The following SLC9A2 variants were observed in gnomAD, a reference collection of about 807,000 sequenced individuals.
SLC9A2 encodes the protein solute carrier family 9 member A2.
A neutral mutation model predicts 71.7 loss-of-function variants in SLC9A2; 42 were observed. The observed-to-expected ratio is 0.59, with a 90% CI of 0.46 to 0.76. SLC9A2 has a LOEUF of 0.76. Among genes scored for constraint, SLC9A2 ranks in the 30% least tolerant of loss-of-function variants. The pLI, the probability that SLC9A2 is intolerant of heterozygous loss-of-function variation, is 0.00. For synonymous variants in SLC9A2, 396 were observed against 392.5 expected (o/e 1.01, Z -0.10); for missense variants, 829 against 1,017.4 (o/e 0.81, Z 2.52).
At chr2:102,661,452 A>G (rs1360561852) in intron 2 of SLC9A2, among the ~76,000 whole-genome samples, 1 of 152,198 alleles carries the variant, frequency 6.6e-6, no homozygotes, top group Non-Finnish European at 1.5e-5. Flanking sequence ...AAACAGCAGA[A>G]TAGTTCTAAA....
At position 102,694,463 on chromosome 2, in the gene SLC9A2, A is replaced by G. The variant is rs191805679; in HGVS notation, c.1475A>G (p.Asn492Ser). Reference protein sequence around the residue: ...LVEFLDVKRSNKKQQAVSEEI... With the variant: ...LVEFLDVKRSSKKQQAVSEEI... ...GAGTTTCTTGATGTCAAGAGGTCCA[A>G]TAAGAAACAACAAGCTGTCAGTGAA... The change falls in exon 6 of 12, where the codon AAT becomes AGT. Residue 492 changes from asparagine to serine, a missense_variant. By Grantham distance (46) the Asn-to-Ser change is conservative (BLOSUM62 1). Transcript: ENST00000233969. The G allele has an allele frequency of 3.2e-5, 50 of 1,544,642 alleles. No homozygotes were observed. The highest frequency in any genetic ancestry group is 6.8e-5 in the Admixed American group (4 of 58,880).
intron 1 of SLC9A2, among the ~76,000 whole-genome samples, chr2:102,622,000 A>G (rs757617845): frequency 1.3e-5 from 2 of 152,210 alleles, no homozygotes; most frequent in Admixed American, 1.3e-4. Context: ...GCCAGATAAG[A>G]TTAATTAGAG....
At chr2:102,688,500 C>A (rs568433171) in intron 5 of SLC9A2, among the ~76,000 whole-genome samples, 3 of 152,112 alleles carry the variant, frequency 2.0e-5, no homozygotes, top group Non-Finnish European at 2.9e-5. Context: ...GAGGCCAAGG[C>A]GGGTGGATCA....
In SLC9A2 at chr2:102,708,092, C is replaced by T. The variant is rs745422635; in HGVS notation, c.2069-27C>T. ...CAATGCCTTCTCTCTAAAATGCTTG[C>T]CCACCTTGTCTTTTGCTCCGTGATA... On this transcript the variant is annotated intron_variant, in intron 11 of 11. Coordinates refer to ENST00000233969, the MANE Select transcript of SLC9A2 (RefSeq NM_003048.6). 25 of 1,589,870 alleles carry T rather than the reference C, an allele frequency of 1.6e-5. No homozygotes were observed. The Admixed American group carries it at 2.4e-4, about 16-fold the overall frequency.
In SLC9A2 at chr2:102,637,468, A is replaced by G. The variant is rs149073334; in HGVS notation, c.289+17331A>G. Among the ~76,000 whole-genome samples the G allele has an allele frequency of 1.9e-3, 296 of 152,318 alleles. 2 individuals carry two copies. Among genetic ancestry groups the G allele is most frequent in the Non-Finnish European group, 3.7e-3 (253 of 68,026 alleles). On this transcript the variant is annotated intron_variant, in intron 1 of 11. Transcript: ENST00000233969. ...GCCAGTGATCATTTCCGAGCTGTCC[A>G]GTGGGTGTGGTGTGGGTTACAGAAA...
intron 1 of SLC9A2, among the ~76,000 whole-genome samples, chr2:102,631,101 GAT>G (rs1676345552): frequency 1.3e-5 from 2 of 151,956 alleles, no homozygotes; most frequent in African/African-American, 4.8e-5. Context: ...GGGTTTTAAT[GAT>G]ATGTTTTTAC....
At position 102,683,307 on chromosome 2, in the gene SLC9A2, GTA is replaced by G; in HGVS notation, c.1053_1054del (p.Gln353GlufsTer64). The G allele has an allele frequency of 6.2e-7, 1 of 1,614,032 alleles. No individual in the cohort carries two copies. The highest frequency in any genetic ancestry group is 8.5e-7 in the Non-Finnish European group (1 of 1,179,916). ...TATGAATAAGTACGTAGAAGAAAAT[GTA>G]TCTCAGAAATCCTACACGACCATCA... is the stretch of plus-strand genomic sequence containing the variant. ...MTMNKYVEEN[V>X]SQKSYTTIKY... On this transcript the variant is annotated frameshift_variant, in exon 4 of 12. Coordinates refer to ENST00000233969, the MANE Select transcript of SLC9A2 (RefSeq NM_003048.6). LOFTEE classifies it high-confidence loss of function.
chr2:102,627,349 G>A (rs1396607445), intron 1 of SLC9A2, among the ~76,000 whole-genome samples: 1 of 152,042 alleles, frequency 6.6e-6, no homozygotes, highest in East Asian at 1.9e-4. Flanking sequence ...ACTGTTCCTT[G>A]GGTGATATAA....
At chr2:102,687,986 G>A (rs534930298) in intron 5 of SLC9A2, among the ~76,000 whole-genome samples, 33 of 152,054 alleles carry the variant, frequency 2.2e-4, no homozygotes, top group East Asian at 1.6e-3. Flanking sequence ...CGCTGTGTTC[G>A]CCAGGCTGGT....
chr2:102,707,295 CTTTTTTTATT>C (rs1240881488), intron 11 of SLC9A2, among the ~76,000 whole-genome samples: 2 of 70,836 alleles, frequency 2.8e-5, no homozygotes, highest in African/African-American at 9.5e-5. Flanking sequence ...CATTACCCCT[CTTTTTTTATT>C]TTTTTTTTTT....
intron 5 of SLC9A2, among the ~76,000 whole-genome samples, chr2:102,691,466 A>G (rs960333524): frequency 2.0e-5 from 3 of 152,128 alleles, no homozygotes; most frequent in Non-Finnish European, 4.4e-5. Context: ...CTAGAATATA[A>G]CATCCAATGT....
chr2:102,692,322 C>T (rs1429232614), intron 5 of SLC9A2, among the ~76,000 whole-genome samples: 2 of 152,156 alleles, frequency 1.3e-5, no homozygotes, highest in Non-Finnish European at 2.9e-5. Flanking sequence ...CCAATCACCT[C>T]CTTTAAAAAA....
At chr2:102,692,499 C>A in intron 5 of SLC9A2, among the ~76,000 whole-genome samples, 1 of 152,182 alleles carries the variant, frequency 6.6e-6, no homozygotes, top group East Asian at 1.9e-4. Flanking sequence ...ATCCATGTAT[C>A]CTTCCTGCAG....
chr2:102,670,909 G>A lies in SLC9A2; in HGVS notation c.1004+5559G>A, dbSNP rs1677237642. On this transcript the variant is annotated intron_variant, in intron 3 of 11. Coordinates refer to ENST00000233969, the MANE Select transcript of SLC9A2 (RefSeq NM_003048.6). ...CCTTTTGGTTTACCCACACTTTGTA[G>A]CGTTTAGGAGAACATCTCTTCAACA... 3.5e-5 allele frequency among the ~76,000 whole-genome samples: 4 copies of A among 114,174 alleles called. No homozygotes were observed. In the South Asian group the frequency reaches 1.1e-3, roughly 33 times the overall value. The allele number at this position is 114,174 out of a possible 152,430, so 74.9% of individuals were successfully genotyped here.
chr2:102,645,121 T>G (rs1273660324), intron 1 of SLC9A2, among the ~76,000 whole-genome samples: 2 of 152,218 alleles, frequency 1.3e-5, no homozygotes, highest in Non-Finnish European at 2.9e-5. Flanking sequence ...CAATCTTTGC[T>G]GTTCTGCAGC....
chr2:102,699,716 G>T (rs951602826), intron 7 of SLC9A2, among the ~76,000 whole-genome samples: 1 of 152,164 alleles, frequency 6.6e-6, no homozygotes, highest in Non-Finnish European at 1.5e-5. Flanking sequence ...CAACAGAAAT[G>T]AATTGTCTCA....
At chr2:102,706,701 A>AT (rs1407345309) in intron 11 of SLC9A2, among the ~76,000 whole-genome samples, 6 of 152,206 alleles carry the variant, frequency 3.9e-5, no homozygotes, top group Non-Finnish European at 7.3e-5. Context: ...CCAATCAGTT[A>AT]TTTTCCAGCA....
At chr2:102,683,198 A>C in intron 3 of SLC9A2, 63 bp from the exon 4 acceptor site, 1 of 1,157,088 alleles carries the variant, frequency 8.6e-7, no homozygotes, top group Non-Finnish European at 1.3e-6. Flanking sequence ...CTTAAGTGCT[A>C]TCTCTTGCAT....
chr2:102,668,033 C>A (rs1677175116), intron 3 of SLC9A2, among the ~76,000 whole-genome samples: 1 of 152,032 alleles, frequency 6.6e-6, no homozygotes, highest in Admixed American at 6.5e-5. Flanking sequence ...AAGATCACAC[C>A]ACTGCCCTCC....
Sources: allele counts gnomAD v4.1 joint callset (sites outside exome capture counted in the v4.1 genomes callset), GRCh38; gene constraint gnomAD v4.1.1; transcripts MANE v1.5; gene names NCBI Gene and HGNC (gene_info 2026-07-23, HGNC 2026-07-21).